MARCHF1: variants seen among roughly 807,000 people sequenced by gnomAD.
MARCHF1 encodes the protein membrane associated ring-CH-type finger 1.
Under a neutral mutation model 54.2 loss-of-function variants are expected in MARCHF1, and 40 were observed. That is an observed-to-expected ratio of 0.74 (90% CI 0.57 to 0.96). The LOEUF (loss-of-function observed/expected upper bound fraction) is 0.96, where lower values mean the gene tolerates loss of function less well. Among genes scored for constraint, MARCHF1 ranks in the 40% least tolerant of loss-of-function variants. MARCHF1 has a pLI of 0.00. For missense variants in MARCHF1, 586 were observed against 656.5 expected (o/e 0.89, Z 1.17); for synonymous variants, 236 against 236.3 (o/e 1.00, Z 0.01).
chr4:163,563,413 A>C (rs559868541), intron 8 of MARCHF1, among the ~76,000 whole-genome samples: 2 of 152,302 alleles, frequency 1.3e-5, no homozygotes, highest in East Asian at 3.9e-4. Context: ...TTTCTTTCCT[A>C]GGACTGCTTC....
chr4:163,798,181 G>T (rs1908293), intron 4 of MARCHF1, among the ~76,000 whole-genome samples: 150,184 of 152,262 alleles, frequency 0.99, 74,102 homozygotes, highest in Middle Eastern at 1. Flanking sequence ...ATAGGAACAC[G>T]TGCCTTATAC....
At chr4:164,101,850 A>G (rs1230558948) in intron 2 of MARCHF1, among the ~76,000 whole-genome samples, 6 of 151,980 alleles carry the variant, frequency 3.9e-5, no homozygotes, top group Non-Finnish European at 8.8e-5. Context: ...AAGGCAAATA[A>G]GTTGAAAACT....
At chr4:163,899,769 C>CACACACACACACAT (rs1447189366) in intron 3 of MARCHF1, among the ~76,000 whole-genome samples, 1 of 147,306 alleles carries the variant, frequency 6.8e-6, no homozygotes, top group African/African-American at 2.5e-5. Flanking sequence ...CCACTACACA[C>CACACACACACACAT]ACACACACAC....
At chr4:163,549,758 ATGAC>A (rs1324821916) in intron 8 of MARCHF1, among the ~76,000 whole-genome samples, 1 of 151,900 alleles carries the variant, frequency 6.6e-6, no homozygotes. Context: ...TTAGAAAAAT[ATGAC>A]TGTATGTTTT....
At chr4:164,107,817 CA>C (rs11289660) in intron 2 of MARCHF1, among the ~76,000 whole-genome samples, 127,366 of 151,612 alleles carry the variant, frequency 0.84, 53,952 homozygotes, top group Non-Finnish European at 0.89. Flanking sequence ...GTCGATAATA[CA>C]AAAAAAAAGA....
At chr4:164,258,390 G>T (rs866578480) in intron 1 of MARCHF1, among the ~76,000 whole-genome samples, 3 of 90,206 alleles carry the variant, frequency 3.3e-5, no homozygotes, top group African/African-American at 1.4e-4. Context: ...AGAACTTAAA[G>T]TATAATAATA....
chr4:164,155,928 C>T (rs1730065626), intron 1 of MARCHF1, among the ~76,000 whole-genome samples: 1 of 152,144 alleles, frequency 6.6e-6, no homozygotes, highest in Non-Finnish European at 1.5e-5. Flanking sequence ...TTTCATCTTT[C>T]AGTTGTGATA....
intron 1 of MARCHF1, among the ~76,000 whole-genome samples, chr4:164,216,358 C>T (rs1049548872): frequency 2.0e-5 from 3 of 152,050 alleles, no homozygotes; most frequent in African/African-American, 7.2e-5. Context: ...TTCTAAATGT[C>T]TTGGAAAATA....
intron 8 of MARCHF1, among the ~76,000 whole-genome samples, chr4:163,582,779 C>A (rs1371315307): frequency 2.1e-5 from 3 of 140,120 alleles, no homozygotes; most frequent in East Asian, 4.4e-4. Context: ...AAAAAAAAAA[C>A]TATTGATGAA....
intron 3 of MARCHF1, among the ~76,000 whole-genome samples, chr4:163,953,609 C>A (rs1208332875): frequency 6.6e-6 from 1 of 151,978 alleles, no homozygotes; most frequent in East Asian, 1.9e-4. Context: ...CAATAGTAAT[C>A]CACTGTTAAC....
intron 2 of MARCHF1, among the ~76,000 whole-genome samples, chr4:164,097,222 C>T (rs551328567): frequency 3.9e-5 from 6 of 152,184 alleles, no homozygotes; most frequent in South Asian, 4.1e-4. Flanking sequence ...AAATATATTT[C>T]GCCAAGAAAG....
intron 2 of MARCHF1, among the ~76,000 whole-genome samples, chr4:164,059,644 T>G (rs1388771669): frequency 6.6e-6 from 1 of 152,216 alleles, no homozygotes; most frequent in East Asian, 1.9e-4. Context: ...ACTATGGTTA[T>G]GCTTTCCAAA....
chr4:163,733,220 T>TAC lies in MARCHF1; in HGVS notation c.112-32359_112-32358dup, dbSNP rs1364335291. 4.1e-3 allele frequency among the ~76,000 whole-genome samples: 121 copies of TAC among 29,674 alleles called. 3 individuals are homozygous for TAC. Among genetic ancestry groups the TAC allele is most frequent in the African/African-American group, 9.3e-3 (114 of 12,218 alleles). The allele number at this position is 29,674 out of a possible 152,430, so 19.5% of individuals were successfully genotyped here. ...ATATATATATATATATATATATATATACACGTGTATATATATATATACACG... is the reference window on the plus strand; with the variant it reads ...ATATATATATATATATATATATATATACACACGTGTATATATATATATACACG... On this transcript the variant is annotated intron_variant, in intron 4 of 9. Coordinates refer to ENST00000514618, the MANE Select transcript of MARCHF1 (RefSeq NM_001394959.1).
Position 164,176,966 on chromosome 4 carries a change from CTCTCTCTCTCTCTCTATATATATATAT to C in MARCHF1, c.-322-65331_-322-65305del, listed in dbSNP as rs1730690438. On this transcript the variant is annotated intron_variant, in intron 1 of 9. Coordinates refer to ENST00000514618, the MANE Select transcript of MARCHF1 (RefSeq NM_001394959.1). ...GCTCTCTCTCTCTCTCTCTCTCTCT[CTCTCTCTCTCTCTCTATATATATATAT>C]ATATATATATATATATACAAATGAT... 1.9e-4 allele frequency among the ~76,000 whole-genome samples: 9 copies of C among 46,732 alleles called. 1 individual carries two copies. Among genetic ancestry groups the C allele is most frequent in the East Asian group, 5.2e-4 (1 of 1,928 alleles). 30.7% of individuals were successfully genotyped at this position (46,732 alleles called of 152,430 possible).
chr4:164,054,842 T>C, intron 2 of MARCHF1, among the ~76,000 whole-genome samples: 1 of 149,254 alleles, frequency 6.7e-6, no homozygotes, highest in Non-Finnish European at 1.5e-5. Context: ...GACGAGTTAG[T>C]GGGTGCAGTG....
intron 3 of MARCHF1, among the ~76,000 whole-genome samples, chr4:163,985,521 T>C (rs1295102516): frequency 1.3e-5 from 2 of 152,170 alleles, no homozygotes; most frequent in African/African-American, 4.8e-5. Flanking sequence ...ATCTATGCTG[T>C]TAAAAAATCA....
chr4:163,911,113 T>C (rs1378600492), intron 3 of MARCHF1, among the ~76,000 whole-genome samples: 1 of 152,194 alleles, frequency 6.6e-6, no homozygotes, highest in African/African-American at 2.4e-5. Flanking sequence ...GGGGTACATA[T>C]ACAGGTTTGT....
chr4:164,082,389 A>G (rs1446561134), intron 2 of MARCHF1, among the ~76,000 whole-genome samples: 1 of 149,616 alleles, frequency 6.7e-6, no homozygotes, highest in Non-Finnish European at 1.5e-5. Context: ...AAATTTGCAT[A>G]ATAAGAAATG....
intron 1 of MARCHF1, among the ~76,000 whole-genome samples, chr4:164,155,154 G>A (rs1730043864): frequency 1.3e-5 from 2 of 152,138 alleles, no homozygotes; most frequent in Admixed American, 1.3e-4. Flanking sequence ...TGGGCCAAAA[G>A]GCAACTTTTT....
Sources: gnomAD v4.1 joint callset for allele counts (sites outside exome capture counted in the v4.1 genomes callset) on GRCh38, gnomAD v4.1.1 for gene constraint, MANE v1.5 for transcripts, NCBI Gene and HGNC (gene_info 2026-07-23, HGNC 2026-07-21) for gene names.